KCNIP4: variants seen among roughly 807,000 people sequenced by gnomAD.
KCNIP4 encodes Kv channel-interacting protein 4.
A neutral mutation model predicts 34.0 loss-of-function variants in KCNIP4; 12 were observed. The observed-to-expected ratio is 0.35, with a 90% CI of 0.23 to 0.57. The LOEUF (loss-of-function observed/expected upper bound fraction) is 0.57, where lower values mean the gene tolerates loss of function less well. KCNIP4 is among the 20% of genes least tolerant of loss of function. The pLI, the probability that KCNIP4 is intolerant of heterozygous loss-of-function variation, is 0.83. For synonymous variants in KCNIP4, 124 were observed against 102.2 expected (o/e 1.21, Z -1.29); for missense variants, 238 against 311.7 (o/e 0.76, Z 1.78).
chr4:21,783,454 C>T (rs1719701565), intron 1 of KCNIP4, among the ~76,000 whole-genome samples: 1 of 152,070 alleles, frequency 6.6e-6, no homozygotes, highest in African/African-American at 2.4e-5. Flanking sequence ...CAGGAAACTA[C>T]AGAAGAAATG....
At chr4:21,104,942 C>T (rs1444126010) in intron 1 of KCNIP4, among the ~76,000 whole-genome samples, 2 of 151,576 alleles carry the variant, frequency 1.3e-5, no homozygotes, top group African/African-American at 2.4e-5. Flanking sequence ...CTGTTCTGTT[C>T]CATTGGTCTA....
At chr4:21,527,718 G>C (rs908229402) in intron 1 of KCNIP4, among the ~76,000 whole-genome samples, 1 of 152,120 alleles carries the variant, frequency 6.6e-6, no homozygotes, top group Non-Finnish European at 1.5e-5. Flanking sequence ...ACTCAACTAC[G>C]TCAGATTTAA....
At chr4:20,785,616 A>G (rs1476023521) in intron 3 of KCNIP4, among the ~76,000 whole-genome samples, 1 of 152,194 alleles carries the variant, frequency 6.6e-6, no homozygotes, top group African/African-American at 2.4e-5. Flanking sequence ...CACAATGGGG[A>G]TAATACATTT....
chr4:21,759,163 C>G (rs1717876954), intron 1 of KCNIP4, among the ~76,000 whole-genome samples: 1 of 152,130 alleles, frequency 6.6e-6, no homozygotes, highest in Non-Finnish European at 1.5e-5. Flanking sequence ...TGAAAATCTT[C>G]CCTAATAGAA....
Position 20,741,963 on chromosome 4 carries a change from A to G in KCNIP4, c.430-7228T>C, listed in dbSNP as rs530752310. Among the ~76,000 whole-genome samples the G allele has an allele frequency of 3.3e-5, 5 of 152,338 alleles. No individual in the cohort carries two copies. The East Asian group carries it at 9.6e-4, about 29-fold the overall frequency. On this transcript the variant is annotated intron_variant, in intron 5 of 8. Coordinates refer to ENST00000382152, the MANE Select transcript of KCNIP4 (RefSeq NM_025221.6). ...ACACCTCTATGCGAATAAACTAGAAAATCTAGAAGAATGGATAAATTCCTG... is the reference window on the plus strand; with the variant it reads ...ACACCTCTATGCGAATAAACTAGAAGATCTAGAAGAATGGATAAATTCCTG...
At chr4:20,777,192 C>T (rs547365150) in intron 3 of KCNIP4, among the ~76,000 whole-genome samples, 1 of 152,166 alleles carries the variant, frequency 6.6e-6, no homozygotes, top group East Asian at 1.9e-4. Flanking sequence ...GGGAAGAAAA[C>T]ATGTCCTTCT....
At chr4:21,579,263 G>A (rs188886402) in intron 1 of KCNIP4, among the ~76,000 whole-genome samples, 9 of 152,160 alleles carry the variant, frequency 5.9e-5, no homozygotes, top group African/African-American at 1.7e-4. Flanking sequence ...TAAAGCCACA[G>A]TACTGTTTGA....
intron 1 of KCNIP4, among the ~76,000 whole-genome samples, chr4:21,120,857 A>G (rs890453643): frequency 6.6e-6 from 1 of 152,186 alleles, no homozygotes; most frequent in Admixed American, 6.5e-5. Flanking sequence ...AATGACTTCA[A>G]TTAATCTTAC....
At chr4:21,053,210 T>A (rs991412280) in intron 1 of KCNIP4, among the ~76,000 whole-genome samples, 8 of 152,190 alleles carry the variant, frequency 5.3e-5, no homozygotes, top group Non-Finnish European at 1.2e-4. Context: ...CTATTCTCAC[T>A]GATTTCATTG....
chr4:21,232,083 C>G (rs1758830586), intron 1 of KCNIP4, among the ~76,000 whole-genome samples: 1 of 152,128 alleles, frequency 6.6e-6, no homozygotes, highest in African/African-American at 2.4e-5. Context: ...TTCACCACTG[C>G]CGATAAATTG....
At chr4:20,996,765 C>CT (rs11391943) in intron 1 of KCNIP4, among the ~76,000 whole-genome samples, 63,614 of 151,510 alleles carry the variant, frequency 0.42, 13,569 homozygotes, top group Admixed American at 0.48. Context: ...CCCTGAACTT[C>CT]TTTTTTTTAA....
At chr4:21,377,727 A>G (rs1172005403) in intron 1 of KCNIP4, among the ~76,000 whole-genome samples, 1 of 152,218 alleles carries the variant, frequency 6.6e-6, no homozygotes, top group Non-Finnish European at 1.5e-5. Context: ...CCCCATGAAA[A>G]TGAAGATTCA....
chr4:20,985,362 A>G (rs1160123119), intron 1 of KCNIP4, among the ~76,000 whole-genome samples: 1 of 152,168 alleles, frequency 6.6e-6, no homozygotes, highest in South Asian at 2.1e-4. Context: ...GTGCTCATCA[A>G]TATTGTAGTG....
chr4:21,411,744 G>T (rs1724528203), intron 1 of KCNIP4, among the ~76,000 whole-genome samples: 1 of 152,138 alleles, frequency 6.6e-6, no homozygotes. Context: ...GGGCCAAAGT[G>T]GGAGGATCAC....
At chr4:21,569,751 C>T (rs984379451) in intron 1 of KCNIP4, among the ~76,000 whole-genome samples, 4 of 152,040 alleles carry the variant, frequency 2.6e-5, no homozygotes, top group Non-Finnish European at 5.9e-5. Context: ...ACCCAGAGCT[C>T]AACAGCTTTA....
intron 1 of KCNIP4, among the ~76,000 whole-genome samples, chr4:21,882,394 C>T (rs1047983398): frequency 7.2e-5 from 11 of 151,938 alleles, no homozygotes; most frequent in Middle Eastern, 3.4e-3. Flanking sequence ...CAGAAGACAG[C>T]GAAAAAAGCA....
intron 1 of KCNIP4, among the ~76,000 whole-genome samples, chr4:20,929,966 AT>A (rs1730289534): frequency 6.6e-6 from 1 of 152,056 alleles, no homozygotes; most frequent in Admixed American, 6.5e-5. Flanking sequence ...TACAAATTCA[AT>A]GCAATTTCTA....
intron 1 of KCNIP4, among the ~76,000 whole-genome samples, chr4:21,446,541 C>T (rs530182930): frequency 4.7e-5 from 7 of 148,476 alleles, no homozygotes; most frequent in South Asian, 2.1e-4. Flanking sequence ...AACCAAACAC[C>T]GCATGTTCTC....
chr4:21,557,424 T>C (rs1055850590), intron 1 of KCNIP4, among the ~76,000 whole-genome samples: 1 of 152,170 alleles, frequency 6.6e-6, no homozygotes, highest in African/African-American at 2.4e-5. Context: ...GTCTTTGACA[T>C]GGCTATGTAA....
Sources: allele counts gnomAD v4.1 joint callset (sites outside exome capture counted in the v4.1 genomes callset), GRCh38; gene constraint gnomAD v4.1.1; transcripts MANE v1.5; gene names NCBI Gene and HGNC (gene_info 2026-07-23, HGNC 2026-07-21).